TMCC1: variants seen among roughly 807,000 people sequenced by gnomAD.
TMCC1 encodes transmembrane and coiled-coil domains protein 1.
TMCC1 carries 15 observed loss-of-function variants against 52.4 expected under a neutral mutation model. The observed-to-expected ratio is 0.29, with a 90% CI of 0.19 to 0.44. The LOEUF is 0.44. TMCC1 is among the 20% of genes least tolerant of loss of function. The pLI, the probability that TMCC1 is intolerant of heterozygous loss-of-function variation, is 1.00. For missense variants in TMCC1, 503 were observed against 806.0 expected, an observed-to-expected ratio of 0.62 and a Z score of 4.55; for synonymous variants, 279 against 301.9, an observed-to-expected ratio of 0.92 and a Z score of 0.79.
chr3:129,727,280 C>T (rs2050182739), intron 4 of TMCC1, among the ~76,000 whole-genome samples: 1 of 152,068 alleles, frequency 6.6e-6, no homozygotes, highest in South Asian at 2.1e-4. Flanking sequence ...CTTTGGAATG[C>T]TGTTTGACTG....
intron 2 of TMCC1, among the ~76,000 whole-genome samples, chr3:129,851,435 C>T (rs926825712): frequency 6.6e-6 from 1 of 152,082 alleles, no homozygotes; most frequent in African/African-American, 2.4e-5. Context: ...AGTAAAAAGG[C>T]AAGCAACTTA....
chr3:129,683,585 GT>G (rs914034756), intron 4 of TMCC1, among the ~76,000 whole-genome samples: 61 of 152,210 alleles, frequency 4.0e-4, no homozygotes, highest in African/African-American at 1.4e-3. Context: ...TTAATTCTTT[GT>G]TTTGTTTTTC....
chr3:129,893,155 C>G (rs1019581272), intron 1 of TMCC1: 3 of 152,276 alleles, frequency 2.0e-5, no homozygotes, highest in Admixed American at 6.5e-5. Flanking sequence ...GGGCCTCGGC[C>G]CGACTTCTCA....
rs924304203 is a variant in TMCC1 at position 129,775,129 on chromosome 3, G to C, written c.576+52674C>G. 2.0e-5 allele frequency among the ~76,000 whole-genome samples: 3 copies of C among 152,072 alleles called. No individual in the cohort carries two copies. In the East Asian group the frequency reaches 5.8e-4, roughly 29 times the overall value. On this transcript the variant is annotated intron_variant, in intron 4 of 6. Coordinates refer to ENST00000393238, the MANE Select transcript of TMCC1 (RefSeq NM_001017395.5). ...AAAGTAGAATCAATGACATTTGCTG[G>C]CTTGGTGGGGGTGTATGCAGATAAG... is the stretch of plus-strand genomic sequence containing the variant.
At chr3:129,877,021 T>C (rs949096314) in intron 2 of TMCC1, among the ~76,000 whole-genome samples, 2 of 152,190 alleles carry the variant, frequency 1.3e-5, no homozygotes, top group Non-Finnish European at 2.9e-5. Flanking sequence ...TTACTTTAAA[T>C]GAATAATTAA....
chr3:129,880,284 T>C (rs2061402940), intron 2 of TMCC1, 25 bp downstream of exon 2: 1 of 152,176 alleles, frequency 6.6e-6, no homozygotes, highest in Non-Finnish European at 1.5e-5. Context: ...GATGTGATTT[T>C]GCAGTAGAAG....
In TMCC1 at chr3:129,878,143, T is replaced by C. The variant is rs2061309740; in HGVS notation, c.-184+2166A>G. ...CTAGGTAATTTTTTACTTTTTTTTT[T>C]AGTAGAGATGGGGTTTCACGACATT... On this transcript the variant is annotated intron_variant, in intron 2 of 6. Coordinates refer to ENST00000393238, the MANE Select transcript of TMCC1 (RefSeq NM_001017395.5). Among the ~76,000 whole-genome samples the C allele has an allele frequency of 3.3e-5, 5 of 151,248 alleles. No homozygotes were observed. In the South Asian group the frequency reaches 6.3e-4, roughly 19 times the overall value.
chr3:129,652,206 G>T, intron 6 of TMCC1, among the ~76,000 whole-genome samples: 1 of 152,186 alleles, frequency 6.6e-6, no homozygotes, highest in East Asian at 1.9e-4. Flanking sequence ...CCCTGAGGCA[G>T]TACTGTTTGT....
rs145871033 is a variant in TMCC1, at chr3:129,766,477, G to A, written c.576+61326C>T. On this transcript the variant is annotated intron_variant, in intron 4 of 6. Transcript: ENST00000393238. The stretch of plus-strand genomic sequence containing the variant: ...GTATATAAACTAAACCCTAATGCAA[G>A]CAAATGTAGGCTTTAAAGTATTTAG... 7.4e-3 allele frequency among the ~76,000 whole-genome samples: 1,126 copies of A among 152,280 alleles called. 6 individuals are homozygous for A. Among genetic ancestry groups the A allele is most frequent in the Non-Finnish European group, 0.011 (748 of 68,014 alleles).
At chr3:129,867,474 C>T (rs2060707469) in intron 2 of TMCC1, among the ~76,000 whole-genome samples, 1 of 152,182 alleles carries the variant, frequency 6.6e-6, no homozygotes, top group Admixed American at 6.5e-5. Context: ...TCTTTCCACA[C>T]TGGCTTCTTG....
In TMCC1 at chr3:129,764,757, GTA is replaced by G. The variant is rs869170594; in HGVS notation, c.576+63044_576+63045del. Reference sequence around the variant, plus strand: ...ATTGTGTGTGTGTGTGTGTGTGTGTGTATATATATATATATATATATATATAT... The same window carrying G: ...ATTGTGTGTGTGTGTGTGTGTGTGTGTATATATATATATATATATATATAT... On this transcript the variant is annotated intron_variant, in intron 4 of 6. Coordinates refer to ENST00000393238, the MANE Select transcript of TMCC1 (RefSeq NM_001017395.5). Among the ~76,000 whole-genome samples the G allele has an allele frequency of 2.0e-3, 147 of 73,300 alleles. 1 individual carries two copies. The highest frequency in any genetic ancestry group is 7.2e-3 in the Middle Eastern group (1 of 138). 48.1% of individuals were successfully genotyped at this position (73,300 alleles called of 152,430 possible). A position where few individuals can be genotyped will look rare whatever the true frequency, so the allele number is the denominator to read the frequency against.
chr3:129,792,227 C>A (rs866052649), intron 4 of TMCC1, among the ~76,000 whole-genome samples: 1 of 149,950 alleles, frequency 6.7e-6, no homozygotes, highest in South Asian at 2.1e-4. Context: ...TATGAAAAAA[C>A]GATTTCATTT....
chr3:129,766,815 T>G (rs2054166690), intron 4 of TMCC1, among the ~76,000 whole-genome samples: 1 of 151,854 alleles, frequency 6.6e-6, no homozygotes, highest in Non-Finnish European at 1.5e-5. Context: ...GATAAGGTTT[T>G]GCCATGTTGC....
At chr3:129,829,466 A>C (rs2058807415) in intron 3 of TMCC1, among the ~76,000 whole-genome samples, 1 of 151,262 alleles carries the variant, frequency 6.6e-6, no homozygotes. Context: ...AAAAAAAAAA[A>C]AAAAAAAGGG....
At chr3:129,692,673 T>C (rs2047110306) in intron 4 of TMCC1, among the ~76,000 whole-genome samples, 1 of 152,290 alleles carries the variant, frequency 6.6e-6, no homozygotes, top group African/African-American at 2.4e-5. Flanking sequence ...CCCAGTTTTC[T>C]CTCTGAAACA....
chr3:129,783,278 C>T (rs779757857), intron 4 of TMCC1, among the ~76,000 whole-genome samples: 3 of 152,024 alleles, frequency 2.0e-5, no homozygotes, highest in African/African-American at 2.4e-5. Context: ...TGAATAGAAA[C>T]GGGAAATCTC....
chr3:129,762,247 C>A (rs925808771), intron 4 of TMCC1, among the ~76,000 whole-genome samples: 2 of 151,878 alleles, frequency 1.3e-5, no homozygotes, highest in African/African-American at 4.8e-5. Flanking sequence ...ATCATGTTGC[C>A]CAGGCTGGTC....
rs2060741370 is a variant in TMCC1, at chr3:129,868,139, G to GT, written c.-184+12169_-184+12170insA. On this transcript the variant is annotated intron_variant, in intron 2 of 6. Transcript: ENST00000393238. ...ACATTAAAACAGGCAGGCAGAGGGG[G>GT]GAAAAACCATACAAGCAGGAAAGAA... Among the ~76,000 whole-genome samples the GT allele has an allele frequency of 3.1e-4, 3 of 9,614 alleles. No individual in the cohort carries two copies. In the South Asian group the frequency reaches 0.083, roughly 267 times the overall value. 6.3% of individuals were successfully genotyped at this position (9,614 alleles called of 152,430 possible).
chr3:129,814,675 T>C (rs988006663), intron 4 of TMCC1, among the ~76,000 whole-genome samples: 1 of 152,012 alleles, frequency 6.6e-6, no homozygotes, highest in African/African-American at 2.4e-5. Flanking sequence ...CCTACAAAGA[T>C]ACACATAGAC....
Sources: allele counts gnomAD v4.1 joint callset (sites outside exome capture counted in the v4.1 genomes callset), GRCh38; gene constraint gnomAD v4.1.1; transcripts MANE v1.5; gene names NCBI Gene and HGNC (gene_info 2026-07-23, HGNC 2026-07-21).